POLK: variants seen among roughly 807,000 people sequenced by gnomAD.
POLK encodes polymerase (DNA directed) kappa.
A neutral mutation model predicts 94.0 loss-of-function variants in POLK; 76 were observed. That is an observed-to-expected ratio of 0.81 (90% confidence interval 0.67 to 0.98). The LOEUF (loss-of-function observed/expected upper bound fraction) is 0.98. POLK is among the 50% of genes least tolerant of loss of function. POLK has a pLI of 0.00. For missense variants in POLK, 954 were observed against 1,010.1 expected (o/e 0.94, Z 0.75); for synonymous variants, 349 against 325.4 (o/e 1.07, Z -0.78).
At chr5:75,555,334 A>T (rs1174990645) in intron 3 of POLK, among the ~76,000 whole-genome samples, 1 of 148,780 alleles carries the variant, frequency 6.7e-6, no homozygotes, top group Non-Finnish European at 1.5e-5. Flanking sequence ...ACCCCTGGCA[A>T]TCACTGACCT....
chr5:75,572,457 C>G (rs1771644218), intron 4 of POLK, among the ~76,000 whole-genome samples: 1 of 152,028 alleles, frequency 6.6e-6, no homozygotes, highest in South Asian at 2.1e-4. Context: ...TACTATTATA[C>G]TATACTATTA....
chr5:75,564,953 T>A (rs1267030547), intron 3 of POLK, among the ~76,000 whole-genome samples: 1 of 152,236 alleles, frequency 6.6e-6, no homozygotes, highest in Admixed American at 6.5e-5. Flanking sequence ...GAAGTTCTCC[T>A]GGATAATATC....
intron 4 of POLK, among the ~76,000 whole-genome samples, chr5:75,571,105 T>G (rs1288155514): frequency 1.3e-5 from 2 of 152,220 alleles, no homozygotes; most frequent in East Asian, 3.8e-4. Flanking sequence ...AATATTTTCT[T>G]TCCTACAATT....
intron 2 of POLK, 65 bp from the exon 3 acceptor site, chr5:75,552,407 G>A: frequency 2.7e-6 from 4 of 1,498,636 alleles, no homozygotes; most frequent in South Asian, 1.3e-5. Flanking sequence ...TAGCCACCAG[G>A]TTATACTACA....
chr5:75,591,230 A>G (rs965721387), intron 11 of POLK, among the ~76,000 whole-genome samples: 1 of 152,146 alleles, frequency 6.6e-6, no homozygotes, highest in Non-Finnish European at 1.5e-5. Flanking sequence ...CACTTATTTG[A>G]TCTTTACAAA....
chr5:75,524,132 A>G (rs1033123315), intron 1 of POLK, among the ~76,000 whole-genome samples: 1 of 152,082 alleles, frequency 6.6e-6, no homozygotes, highest in Non-Finnish European at 1.5e-5. Flanking sequence ...CCGTCTCAAA[A>G]AAAAAAAACA....
chr5:75,559,523 G>GT (rs775525619), intron 3 of POLK, among the ~76,000 whole-genome samples: 1,279 of 54,678 alleles, frequency 0.023, 216 homozygotes, highest in Admixed American at 0.046. Flanking sequence ...GTTTTGTTTT[G>GT]TTTTTTTTTT....
At chr5:75,602,209 C>T (rs952661831), downstream of POLK, among the ~76,000 whole-genome samples, 6 of 152,208 alleles carry the variant, frequency 3.9e-5, no homozygotes, top group Non-Finnish European at 8.8e-5. Flanking sequence ...CATAGGCATG[C>T]ATCACCCATG....
At chr5:75,551,927 A>T (rs1319778277) in intron 2 of POLK, among the ~76,000 whole-genome samples, 1 of 152,204 alleles carries the variant, frequency 6.6e-6, no homozygotes, top group Non-Finnish European at 1.5e-5. Context: ...AATGTTTATG[A>T]TAGCATTCTT....
At chr5:75,596,886 C>A (rs1380023868) in exon 13 of POLK, 1 of 1,613,524 alleles carries the variant, frequency 6.2e-7, no homozygotes, top group East Asian at 2.2e-5. Flanking sequence ...GTTCTAGTCT[C>A]CCAAGCAAGT....
At chr5:75,518,778 A>G (rs1768435157) in intron 1 of POLK, among the ~76,000 whole-genome samples, 1 of 152,100 alleles carries the variant, frequency 6.6e-6, no homozygotes, top group Non-Finnish European at 1.5e-5. Context: ...TGGTACTGCT[A>G]CTTTTGCTTT....
At chr5:75,511,578 G>T, upstream of POLK, 1 of 1,462,600 alleles carries the variant, frequency 6.8e-7, no homozygotes, top group East Asian at 2.5e-5. Context: ...TGAGTCCCGC[G>T]TCCACTCACA....
At chr5:75,525,440 C>T (rs888513992) in intron 1 of POLK, among the ~76,000 whole-genome samples, 8 of 151,726 alleles carry the variant, frequency 5.3e-5, no homozygotes, top group African/African-American at 1.7e-4. Context: ...TCTGTCAGTT[C>T]GAAGATAGAG....
intron 3 of POLK, among the ~76,000 whole-genome samples, chr5:75,567,598 G>T (rs779537638): frequency 6.6e-6 from 1 of 152,002 alleles, no homozygotes; most frequent in Non-Finnish European, 1.5e-5. Flanking sequence ...TCCCCTCCCC[G>T]TCTCTCTTGT....
At chr5:75,513,114 A>AATGGT (rs1308697129) in intron 1 of POLK, among the ~76,000 whole-genome samples, 1 of 152,110 alleles carries the variant, frequency 6.6e-6, no homozygotes, top group Non-Finnish European at 1.5e-5. Flanking sequence ...TACGATTCTG[A>AATGGT]ATGGTTGGTA....
chr5:75,596,724 T>C (rs768780013), exon 13 of POLK: 1 of 1,613,742 alleles, frequency 6.2e-7, no homozygotes, highest in South Asian at 1.1e-5. Context: ...ATGTTCCTGC[T>C]TCTTCACTTT....
chr5:75,596,089 T>G, intron 12 of POLK, 133 bp from the exon 13 acceptor site: 1 of 603,034 alleles, frequency 1.7e-6, no homozygotes, highest in South Asian at 2.3e-5. Context: ...TAATACCAGC[T>G]TTGAAATGTT....
intron 2 of POLK, among the ~76,000 whole-genome samples, chr5:75,548,297 C>T (rs1299561302): frequency 6.6e-6 from 1 of 151,922 alleles, no homozygotes; most frequent in Non-Finnish European, 1.5e-5. Context: ...TACATATGCA[C>T]ATTCAATAAT....
At chr5:75,511,216 G>C (rs1580881190), upstream of POLK, 1 of 1,612,538 alleles carries the variant, frequency 6.2e-7, no homozygotes, top group South Asian at 1.1e-5. Context: ...ATGGAGGCTC[G>C]ACAACCGAGC....
Sources: gnomAD v4.1 joint callset for allele counts (sites outside exome capture counted in the v4.1 genomes callset) on GRCh38, gnomAD v4.1.1 for gene constraint, MANE v1.5 for transcripts, NCBI Gene and HGNC (gene_info 2026-07-23, HGNC 2026-07-21) for gene names.